The following CRLF3 variants were observed in gnomAD, a reference collection of about 807,000 sequenced individuals.
CRLF3 encodes the protein cytokine receptor-like factor 3.
A neutral mutation model predicts 55.0 loss-of-function variants in CRLF3; 33 were observed. That is an observed-to-expected ratio of 0.60 (90% confidence interval 0.46 to 0.80). The LOEUF is 0.80. Among genes scored for constraint, CRLF3 ranks in the 30% least tolerant of loss-of-function variants. CRLF3 has a pLI of 0.00. For missense variants in CRLF3, 494 were observed against 538.4 expected (o/e 0.92, Z 0.82); for synonymous variants, 238 against 196.8 (o/e 1.21, Z -1.75).
In CRLF3 at chr17:30,784,067, A is replaced by AAC. The variant is rs1229293938; in HGVS notation, c.*119_*120insGT. ...AAATATTACAAAATGAATCCAGTAA[A>AAC]CACTTTCCAATGGCCTAAGTTAGAG... On this transcript the variant is annotated 3_prime_UTR_variant, in exon 8 of 8. Transcript: ENST00000324238. 3.5e-6 allele frequency: 3 copies of AAC among 845,534 alleles called. No homozygotes were observed. The highest frequency in any genetic ancestry group is 5.5e-6 in the Non-Finnish European group (3 of 542,682). 52.4% of individuals were successfully genotyped at this position (845,534 alleles called of 1,614,324 possible).
intron 1 of CRLF3, among the ~76,000 whole-genome samples, chr17:30,815,745 T>C (rs1904780164): frequency 6.6e-6 from 1 of 150,524 alleles, no homozygotes; most frequent in Non-Finnish European, 1.5e-5. Context: ...GGTTTCACCA[T>C]GTTGGCCAGG....
intron 6 of CRLF3, among the ~76,000 whole-genome samples, chr17:30,788,162 A>G (rs977426485): frequency 3.3e-5 from 5 of 151,228 alleles, no homozygotes; most frequent in Admixed American, 6.6e-5. Flanking sequence ...CCCCGTCTCT[A>G]CTAAAAATAC....
intron 1 of CRLF3, among the ~76,000 whole-genome samples, chr17:30,808,736 GCA>G (rs1216459929): frequency 6.6e-6 from 1 of 151,940 alleles, no homozygotes; most frequent in Non-Finnish European, 1.5e-5. Flanking sequence ...GGGATTACAG[GCA>G]TGCGCCACCA....
chr17:30,819,302 G>A (rs577784379), intron 1 of CRLF3, among the ~76,000 whole-genome samples: 1 of 152,306 alleles, frequency 6.6e-6, no homozygotes, highest in African/African-American at 2.4e-5. Flanking sequence ...TCTCACTGTA[G>A]ACACCTCCAG....
chr17:30,797,165 A>G, intron 3 of CRLF3, 146 bp downstream of exon 3: 1 of 644,236 alleles, frequency 1.6e-6, no homozygotes, highest in Middle Eastern at 4.1e-4. Flanking sequence ...TGCTGGGATT[A>G]CAGGTGTAAA....
intron 5 of CRLF3, 47 bp downstream of exon 5, chr17:30,793,403 T>A: frequency 6.9e-7 from 1 of 1,450,460 alleles, no homozygotes; most frequent in Non-Finnish European, 9.7e-7. Flanking sequence ...AATACAGGTA[T>A]TCTAATATAT....
Position 30,796,059 on chromosome 17 carries a change from G to A in CRLF3, c.603+101C>T, listed in dbSNP as rs998388413. 22 of 702,252 alleles carry A rather than the reference G, an allele frequency of 3.1e-5. No homozygotes were observed. In the African/African-American group the frequency reaches 3.4e-4, roughly 11 times the overall value. 43.5% of individuals were successfully genotyped at this position (702,252 alleles called of 1,614,324 possible). On this transcript the variant is annotated intron_variant, in intron 4 of 7. Transcript: ENST00000324238. ...AGTAAAAGAGATTTTTGTTTGAGAA[G>A]AAAAGAATGTATTTAAAAGTAGTCA...
At chr17:30,796,060 A>G (rs1400552650) in intron 4 of CRLF3, 100 bp downstream of exon 4, 2 of 708,564 alleles carry the variant, frequency 2.8e-6, no homozygotes, top group African/African-American at 1.8e-5. Context: ...GTTTGAGAAG[A>G]AAAGAATGTA....
In CRLF3 at chr17:30,815,211, G is replaced by C. The variant is rs998809853; in HGVS notation, c.129+9312C>G. Among the ~76,000 whole-genome samples the C allele has an allele frequency of 5.4e-5, 8 of 149,532 alleles. No individual in the cohort carries two copies. The East Asian group carries it at 8.1e-4, about 15-fold the overall frequency. On this transcript the variant is annotated intron_variant, in intron 1 of 7. Transcript: ENST00000324238. ...AGCAATTCTCCTGCCTCAGCCTCCC[G>C]GGTAGCTGGGATTACAAGCACCCAC...
Position 30,793,556 on chromosome 17 carries a change from G to A in CRLF3, c.720C>T (p.Asp240=), listed in dbSNP as rs372927332. 2 of 1,614,066 alleles carry A rather than the reference G, an allele frequency of 1.2e-6. No homozygotes were observed. The highest frequency in any genetic ancestry group is 1.7e-6 in the Non-Finnish European group (2 of 1,179,994). Residue 240 remains aspartate (D), a synonymous_variant, in exon 5 of 8, where the codon GAC becomes GAT. Coordinates refer to ENST00000324238, the MANE Select transcript of CRLF3 (RefSeq NM_015986.4). ...CTCTGAACTGGTAATCAACGTTGGGGTCTATGTGCAATACTATGAATTCAG... is the reference window on the plus strand; with the variant it reads ...CTCTGAACTGGTAATCAACGTTGGGATCTATGTGCAATACTATGAATTCAG... ...SETEFIVLHI[D]PNVDYQFRVC... is the part of the protein sequence containing the mutation.
At chr17:30,811,803 C>CAAA (rs915710879) in intron 1 of CRLF3, among the ~76,000 whole-genome samples, 24 of 27,742 alleles carry the variant, frequency 8.7e-4, no homozygotes, top group East Asian at 1.1e-3. Context: ...GACTCTGTCT[C>CAAA]AAAAAAAAAA....
Position 30,793,692 on chromosome 17 carries a change from G to A in CRLF3, c.604-20C>T. On this transcript the variant is annotated intron_variant, in intron 4 of 7. Transcript: ENST00000324238. The stretch of plus-strand genomic sequence containing the variant: ...ATCCACCTAGGGAGAAAAGCTTTAT[G>A]TTAGGTAAAAAACAGAAAATGACTT... The A allele has an allele frequency of 1.3e-6, 2 of 1,562,414 alleles. No homozygotes were observed. The highest frequency in any genetic ancestry group is 1.1e-5 in the South Asian group (1 of 88,134).
chr17:30,785,791 A>G lies in CRLF3; in HGVS notation c.1072+128T>C, dbSNP rs558894208. On this transcript the variant is annotated intron_variant, in intron 7 of 7. Coordinates refer to ENST00000324238, the MANE Select transcript of CRLF3 (RefSeq NM_015986.4). Reference sequence around the variant, plus strand: ...AGTGAGACTTCATAATAAAAAAAAAAAAAAAGAAAAAGAAAAATACCTAAA... The same window carrying G: ...AGTGAGACTTCATAATAAAAAAAAAGAAAAAGAAAAAGAAAAATACCTAAA... 1.4e-4 allele frequency: 81 copies of G among 584,904 alleles called. 1 individual carries two copies. The highest frequency in any genetic ancestry group is 6.3e-4 in the African/African-American group (33 of 52,284). 36.2% of individuals were successfully genotyped at this position (584,904 alleles called of 1,614,324 possible).
At position 30,783,694 on chromosome 17, in the gene CRLF3, C is replaced by A. The variant is rs1971559108; in HGVS notation, c.*493G>T. The A allele has an allele frequency of 6.6e-6, 1 of 152,638 alleles. No individual in the cohort carries two copies. Among genetic ancestry groups the A allele is most frequent in the Non-Finnish European group, 1.5e-5 (1 of 68,434 alleles). 9.5% of individuals were successfully genotyped at this position (152,638 alleles called of 1,614,324 possible). On this transcript the variant is annotated 3_prime_UTR_variant, in exon 8 of 8. Coordinates refer to ENST00000324238, the MANE Select transcript of CRLF3 (RefSeq NM_015986.4). The stretch of plus-strand genomic sequence containing the variant: ...AGGGGATAAAAGTCAACACTGCTTA[C>A]AAATACCTGAACATGGAGAGCACAG...
chr17:30,791,679 G>A (rs949683008), intron 6 of CRLF3, among the ~76,000 whole-genome samples: 3 of 146,662 alleles, frequency 2.0e-5, no homozygotes, highest in South Asian at 2.2e-4. Flanking sequence ...CACCATGTCC[G>A]GCTAATTTTT....
chr17:30,811,101 A>G (rs768296791), intron 1 of CRLF3, among the ~76,000 whole-genome samples: 42 of 152,120 alleles, frequency 2.8e-4, no homozygotes, highest in Non-Finnish European at 4.7e-4. Flanking sequence ...AAATAACCAA[A>G]CAAACAAAAA....
At chr17:30,784,594 C>A in intron 7 of CRLF3, 151 bp from the exon 8 acceptor site, 1 of 645,768 alleles carries the variant, frequency 1.5e-6, no homozygotes, top group Non-Finnish European at 2.6e-6. Flanking sequence ...GAGTTCTGTC[C>A]AGGGTTGTAC....
intron 4 of CRLF3, among the ~76,000 whole-genome samples, chr17:30,794,673 C>A (rs1971879904): frequency 6.6e-6 from 1 of 152,094 alleles, no homozygotes; most frequent in African/African-American, 2.4e-5. Context: ...GAAGCACATG[C>A]CTGAAGTCCC....
intron 6 of CRLF3, 153 bp from the exon 7 acceptor site, chr17:30,786,184 A>G (rs1022569870): frequency 1.4e-5 from 8 of 564,456 alleles, no homozygotes; most frequent in Non-Finnish European, 2.5e-5. Flanking sequence ...TACTCCAGGC[A>G]CTGTTCTAAT....
Sources: gnomAD v4.1 joint callset for allele counts (sites outside exome capture counted in the v4.1 genomes callset) on GRCh38, gnomAD v4.1.1 for gene constraint, MANE v1.5 for transcripts, NCBI Gene and HGNC (gene_info 2026-07-23, HGNC 2026-07-21) for gene names.